The following ARB2A variants were observed in gnomAD, a reference collection of about 807,000 sequenced individuals.
ARB2A encodes the protein cotranscriptional regulator ARB2A.
chr5:93,653,609 GGCCTGCTCATAAGAA>G, the ARB2A span, among the ~76,000 whole-genome samples: 1 of 144,608 alleles, frequency 6.9e-6, no homozygotes, highest in South Asian at 2.2e-4. Context: ...ATTCTGAGAA[GGCCTGCTCATAAGAA>G]GCCTGCTTAT....
the ARB2A span, among the ~76,000 whole-genome samples, chr5:93,815,165 A>T: frequency 6.6e-6 from 1 of 152,216 alleles, no homozygotes; most frequent in African/African-American, 2.4e-5. Context: ...CAATCCACAA[A>T]GTCAAACTTT....
chr5:93,756,121 C>T, the ARB2A span, among the ~76,000 whole-genome samples: 1 of 152,142 alleles, frequency 6.6e-6, no homozygotes, highest in African/African-American at 2.4e-5. Context: ...ACTTCCCTGA[C>T]AACCTGCATG....
At chr5:93,765,321 T>G in the ARB2A span, among the ~76,000 whole-genome samples, 3 of 152,212 alleles carry the variant, frequency 2.0e-5, no homozygotes. Flanking sequence ...AAAATCTCCT[T>G]AAGCTGATAG....
At chr5:93,742,268 C>T in the ARB2A span, among the ~76,000 whole-genome samples, 1 of 152,162 alleles carries the variant, frequency 6.6e-6, no homozygotes, top group Non-Finnish European at 1.5e-5. Flanking sequence ...TCTAACCCAG[C>T]TTCTTGGTCC....
At chr5:93,966,097 A>C in the ARB2A span, among the ~76,000 whole-genome samples, 9 of 152,024 alleles carry the variant, frequency 5.9e-5, no homozygotes, top group African/African-American at 2.2e-4. Context: ...GTAAACTAAA[A>C]ATGTGGAGGT....
the ARB2A span, among the ~76,000 whole-genome samples, chr5:93,859,841 G>A: frequency 2.6e-5 from 4 of 152,278 alleles, no homozygotes; most frequent in African/African-American, 4.8e-5. Context: ...GAAACAACAG[G>A]AATAGCCATG....
At chr5:94,008,185 T>A in the ARB2A span, among the ~76,000 whole-genome samples, 1 of 152,170 alleles carries the variant, frequency 6.6e-6, no homozygotes, top group Non-Finnish European at 1.5e-5. Context: ...GTAATTGCTA[T>A]AAAGAACCTA....
the ARB2A span, among the ~76,000 whole-genome samples, chr5:94,024,460 G>A: frequency 1.3e-5 from 2 of 151,956 alleles, no homozygotes; most frequent in Non-Finnish European, 2.9e-5. Context: ...GTGTGTATAT[G>A]TGTTTATATA....
At chr5:93,653,385 G>A in the ARB2A span, among the ~76,000 whole-genome samples, 6 of 150,892 alleles carry the variant, frequency 4.0e-5, no homozygotes, top group African/African-American at 1.2e-4. Context: ...GGTAGCGGGC[G>A]CCTGTAGTCC....
At chr5:93,946,721 T>A in the ARB2A span, among the ~76,000 whole-genome samples, 1 of 152,220 alleles carries the variant, frequency 6.6e-6, no homozygotes, top group African/African-American at 2.4e-5. Context: ...TAGGAAAAGA[T>A]AACACTTATT....
chr5:93,844,905 C>T, the ARB2A span, among the ~76,000 whole-genome samples: 2 of 152,210 alleles, frequency 1.3e-5, no homozygotes, highest in African/African-American at 4.8e-5. Context: ...GTTGCCCATT[C>T]ACGCTTTGCT....
the ARB2A span, among the ~76,000 whole-genome samples, chr5:94,022,748 G>T: frequency 6.6e-6 from 1 of 152,214 alleles, no homozygotes; most frequent in Admixed American, 6.5e-5. Context: ...ACAGGAAATT[G>T]AAAGTAGAAA....
At chr5:94,106,067 G>C in the ARB2A span, among the ~76,000 whole-genome samples, 3 of 151,734 alleles carry the variant, frequency 2.0e-5, no homozygotes, top group Non-Finnish European at 4.4e-5. Context: ...CTGAATCTAG[G>C]CCCTGGCAAA....
chr5:94,068,322 T>C, the ARB2A span, among the ~76,000 whole-genome samples: 2 of 152,204 alleles, frequency 1.3e-5, no homozygotes, highest in African/African-American at 4.8e-5. Context: ...ATGGGCACCT[T>C]GCTGGATCAG....
chr5:93,968,982 C>T, the ARB2A span, among the ~76,000 whole-genome samples: 1 of 147,746 alleles, frequency 6.8e-6, no homozygotes, highest in African/African-American at 2.5e-5. Context: ...GAAATAATGA[C>T]TTTCTGAGAC....
chr5:93,639,157 T>G, the ARB2A span, among the ~76,000 whole-genome samples: 1 of 152,206 alleles, frequency 6.6e-6, no homozygotes, highest in Non-Finnish European at 1.5e-5. Flanking sequence ...TTTTGATTGA[T>G]TTCTTATTGA....
At chr5:93,704,389 A>G in the ARB2A span, among the ~76,000 whole-genome samples, 1 of 152,104 alleles carries the variant, frequency 6.6e-6, no homozygotes, top group Non-Finnish European at 1.5e-5. Context: ...CTCTGTCTCT[A>G]CAAAACAAAA....
At chr5:93,732,922 A>G in the ARB2A span, among the ~76,000 whole-genome samples, 1 of 151,578 alleles carries the variant, frequency 6.6e-6, no homozygotes, top group Admixed American at 6.6e-5. Context: ...CTGTACATAC[A>G]TTTATATTTT....
the ARB2A span, among the ~76,000 whole-genome samples, chr5:93,879,427 G>A: frequency 1.3e-5 from 2 of 151,920 alleles, no homozygotes; most frequent in Admixed American, 6.6e-5. Flanking sequence ...TGCTTTTGTT[G>A]GGAACTTGAA....
Sources: allele counts gnomAD v4.1 joint callset (sites outside exome capture counted in the v4.1 genomes callset), GRCh38; gene constraint gnomAD v4.1.1; transcripts MANE v1.5; gene names NCBI Gene and HGNC (gene_info 2026-07-23, HGNC 2026-07-21).